The following COBL variants were observed in gnomAD, a reference collection of about 807,000 sequenced individuals.
The protein encoded by COBL is protein cordon-bleu.
Under a neutral mutation model 98.8 loss-of-function variants are expected in COBL, and 51 were observed. The ratio of observed to expected loss-of-function variants is 0.52; its 90% CI spans 0.41 to 0.65. COBL has a LOEUF of 0.65. COBL is among the 30% of genes least tolerant of loss of function. The pLI is 0.00. For missense variants in COBL, 1,617 were observed against 1,617.5 expected (o/e 1.00, Z 0.01); for synonymous variants, 634 against 651.7 (o/e 0.97, Z 0.41).
intron 1 of COBL, among the ~76,000 whole-genome samples, chr7:51,234,844 A>G (rs1795097801): frequency 6.6e-6 from 1 of 152,158 alleles, no homozygotes; most frequent in African/African-American, 2.4e-5. Flanking sequence ...GGGTTTACTG[A>G]TTGATCTGGG....
At chr7:51,283,354 T>A (rs55826709) in intron 1 of COBL, among the ~76,000 whole-genome samples, 7,060 of 152,312 alleles carry the variant, frequency 0.046, 347 homozygotes, top group African/African-American at 0.12. Flanking sequence ...TGAACATATC[T>A]ACACACATAA....
chr7:51,153,173 T>C (rs1785737886), intron 5 of COBL, among the ~76,000 whole-genome samples: 2 of 152,172 alleles, frequency 1.3e-5, no homozygotes, highest in African/African-American at 4.8e-5. Context: ...GAGAAGCTCA[T>C]AGCATAAAAA....
At chr7:51,316,000 G>A (rs1399338160) in intron 1 of COBL, among the ~76,000 whole-genome samples, 1 of 152,214 alleles carries the variant, frequency 6.6e-6, no homozygotes, top group Non-Finnish European at 1.5e-5. Context: ...CTGGAATAAA[G>A]GCAGGGAGGG....
chr7:51,033,478 C>T (rs900914783), intron 8 of COBL: 1 of 152,218 alleles, frequency 6.6e-6, no homozygotes, highest in Non-Finnish European at 1.5e-5. Flanking sequence ...AACACACATC[C>T]ATGCTTATGT....
At chr7:51,184,255 C>G in intron 4 of COBL, 56 bp from the exon 5 acceptor site, 1 of 993,296 alleles carries the variant, frequency 1.0e-6, no homozygotes, top group Non-Finnish European at 1.5e-6. Context: ...AGATTCAATA[C>G]TTTACTTAAA....
intron 1 of COBL, among the ~76,000 whole-genome samples, chr7:51,231,536 G>A (rs958686017): frequency 1.3e-5 from 2 of 152,222 alleles, no homozygotes; most frequent in African/African-American, 2.4e-5. Flanking sequence ...TGAGTCTCTG[G>A]ATCGGGGAAG....
intron 5 of COBL, among the ~76,000 whole-genome samples, chr7:51,155,129 T>C (rs576721709): frequency 6.6e-6 from 1 of 152,342 alleles, no homozygotes; most frequent in Admixed American, 6.5e-5. Flanking sequence ...TAAATGGTTG[T>C]TGAGGTCAGA....
At chr7:51,103,319 TG>T (rs1795976456) in intron 6 of COBL, among the ~76,000 whole-genome samples, 1 of 152,220 alleles carries the variant, frequency 6.6e-6, no homozygotes, top group South Asian at 2.1e-4. Context: ...GAGAATTGGT[TG>T]TTCACATCAA....
At chr7:51,232,538 A>G (rs936005348) in intron 1 of COBL, among the ~76,000 whole-genome samples, 2 of 152,160 alleles carry the variant, frequency 1.3e-5, no homozygotes, top group African/African-American at 4.8e-5. Context: ...AGGGCCAGGC[A>G]CGGTGGCTCA....
intron 2 of COBL, among the ~76,000 whole-genome samples, chr7:51,211,824 C>T (rs945635247): frequency 3.9e-5 from 6 of 152,168 alleles, no homozygotes; most frequent in African/African-American, 1.4e-4. Flanking sequence ...CATAGGATCG[C>T]CATTTTCATT....
chr7:51,103,622 A>G (rs1796006535), intron 6 of COBL, among the ~76,000 whole-genome samples: 1 of 152,166 alleles, frequency 6.6e-6, no homozygotes, highest in South Asian at 2.1e-4. Flanking sequence ...ATAAACCTGG[A>G]TTTAATTTTG....
chr7:51,077,767 C>T (rs1192368458), intron 7 of COBL, among the ~76,000 whole-genome samples: 3 of 152,190 alleles, frequency 2.0e-5, no homozygotes, highest in Non-Finnish European at 2.9e-5. Flanking sequence ...TCTAATAGTT[C>T]CTCTGCTCCA....
intron 1 of COBL, among the ~76,000 whole-genome samples, chr7:51,271,177 C>T (rs1005982802): frequency 4.6e-5 from 7 of 152,188 alleles, no homozygotes; most frequent in Non-Finnish European, 8.8e-5. Flanking sequence ...CATATAATGG[C>T]AGGGTTGCGT....
In COBL at chr7:51,096,559, A is replaced by G. The variant is rs193101046; in HGVS notation, c.958-11255T>C. 1.2e-4 allele frequency among the ~76,000 whole-genome samples: 19 copies of G among 152,236 alleles called. No individual in the cohort carries two copies. The East Asian group carries it at 3.7e-3, about 29-fold the overall frequency. ...AAAAAAGAACTTTGGTTAAAATATT[A>G]ACAGAATTTCAGTTTTTTTAAAAGA... On this transcript the variant is annotated intron_variant, in intron 6 of 12. Coordinates refer to ENST00000265136, the MANE Select transcript of COBL (RefSeq NM_015198.5).
At chr7:51,083,710 T>G (rs1793907435) in intron 7 of COBL, among the ~76,000 whole-genome samples, 1 of 152,246 alleles carries the variant, frequency 6.6e-6, no homozygotes. Flanking sequence ...TGAGTCCATT[T>G]ATACTTTTCA....
chr7:51,249,657 T>A (rs902540599), intron 1 of COBL, among the ~76,000 whole-genome samples: 8 of 152,332 alleles, frequency 5.3e-5, no homozygotes, highest in African/African-American at 1.2e-4. Context: ...ATAAAAGCTT[T>A]ATTTTTCCAC....
chr7:51,219,660 A>G, intron 2 of COBL, 81 bp downstream of exon 2: 1 of 1,439,702 alleles, frequency 6.9e-7, no homozygotes. Context: ...AAAATGCAAT[A>G]CATCAACATC....
chr7:51,129,323 C>T (rs114769067), intron 6 of COBL, among the ~76,000 whole-genome samples: 280 of 151,612 alleles, frequency 1.8e-3, no homozygotes, highest in African/African-American at 6.6e-3. Flanking sequence ...GTGGAAGGGG[C>T]GGGGGAGCTC....
chr7:51,195,134 G>A (rs1021264588), intron 2 of COBL, among the ~76,000 whole-genome samples: 1 of 152,040 alleles, frequency 6.6e-6, no homozygotes, highest in Non-Finnish European at 1.5e-5. Context: ...GTCTTCCAGG[G>A]TTTTTATAGT....
Sources: allele counts gnomAD v4.1 joint callset (sites outside exome capture counted in the v4.1 genomes callset), GRCh38; gene constraint gnomAD v4.1.1; transcripts MANE v1.5; gene names NCBI Gene and HGNC (gene_info 2026-07-23, HGNC 2026-07-21).